The following UTP14C variants were observed in gnomAD, a reference collection of about 807,000 sequenced individuals.
UTP14C encodes the protein U3 small nucleolar RNA-associated protein 14 homolog C.
In UTP14C, 10 loss-of-function variants were observed where a neutral mutation model predicts 14.6. The observed-to-expected ratio is 0.68, with a 90% CI of 0.42 to 1.16. The LOEUF (loss-of-function observed/expected upper bound fraction) is 1.16, where lower values mean the gene tolerates loss of function less well. Ranked by LOEUF, UTP14C falls within the 50% of genes most tolerant of loss-of-function variation. The pLI, the probability that UTP14C is intolerant of heterozygous loss-of-function variation, is 0.00. For missense variants in UTP14C, 818 were observed against 890.8 expected, an observed-to-expected ratio of 0.92 and a Z score of 1.04; for synonymous variants, 315 against 331.6, an observed-to-expected ratio of 0.95 and a Z score of 0.54.
At chr13:52,025,067 T>C in intron 1 of UTP14C, 130 bp downstream of exon 1, 3 of 1,051,872 alleles carry the variant, frequency 2.9e-6, no homozygotes, top group Admixed American at 3.7e-5. Flanking sequence ...CCAAATGTGC[T>C]TTCCTCACTT....
chr13:52,033,437 T>C lies in UTP14C; in HGVS notation c.*2332T>C, dbSNP rs1158279398. The C allele has an allele frequency of 6.0e-6, 1 of 167,146 alleles. No homozygotes were observed. The highest frequency in any genetic ancestry group is 1.5e-5 in the Non-Finnish European group (1 of 68,130). The allele number at this position is 167,146 out of a possible 1,614,324, so 10.4% of individuals were successfully genotyped here. On this transcript the variant is annotated 3_prime_UTR_variant, in exon 2 of 2. Coordinates refer to ENST00000521776, the MANE Select transcript of UTP14C (RefSeq NM_021645.6). ...TATAGATACAAAGTCTGTGTCTAAATATTATTTAAAGAAGTGATTTTTCAT... is the reference window on the plus strand; with the variant it reads ...TATAGATACAAAGTCTGTGTCTAAACATTATTTAAAGAAGTGATTTTTCAT...
At chr13:52,027,741 G>A (rs143174275) in intron 1 of UTP14C, among the ~76,000 whole-genome samples, 9 of 152,286 alleles carry the variant, frequency 5.9e-5, no homozygotes, top group Middle Eastern at 3.4e-3. Context: ...ACATAAGCAC[G>A]GCGATAGTAT....
intron 1 of UTP14C, among the ~76,000 whole-genome samples, chr13:52,025,880 C>T (rs1313112600): frequency 6.6e-6 from 1 of 152,200 alleles, no homozygotes; most frequent in African/African-American, 2.4e-5. Context: ...TAGTGCTAGG[C>T]CCAGACATTA....
At chr13:52,027,382 G>C (rs979625420) in intron 1 of UTP14C, among the ~76,000 whole-genome samples, 2 of 152,144 alleles carry the variant, frequency 1.3e-5, no homozygotes, top group Non-Finnish European at 2.9e-5. Flanking sequence ...GCAGGTCTCT[G>C]AGAAAGTACA....
chr13:52,028,516 G>A lies in UTP14C; in HGVS notation c.-289G>A. ...ACTCCAAATCAGAAAAAGTGCTCGT[G>A]CATCTGTAAGCAGATTCTCTGATCA... On this transcript the variant is annotated 5_prime_UTR_variant, in exon 2 of 2. Coordinates refer to ENST00000521776, the MANE Select transcript of UTP14C (RefSeq NM_021645.6). 6.2e-7 allele frequency: 1 copy of A among 1,614,118 alleles called. No homozygotes were observed. The highest frequency in any genetic ancestry group is 2.2e-5 in the East Asian group (1 of 44,888).
Position 52,030,621 on chromosome 13 carries a change from A to T in UTP14C, c.1817A>T (p.Asp606Val), listed in dbSNP as rs559486838. 1.3e-4 allele frequency: 208 copies of T among 1,614,180 alleles called. 1 individual carries two copies. In the South Asian group the frequency reaches 2.2e-3, roughly 17 times the overall value. ...TTTGCTGGGGATGATGTCATCAGAG[A>T]TTTCTTGAAAGAGAAGAGGGAAGCT... ...EAFAGDDVIR[D>V]FLKEKREAVE... is the part of the protein sequence containing the mutation. Residue 606 changes from aspartate (D) to valine (V), a missense_variant, in exon 2 of 2, where the codon GAT becomes GTT. Coordinates refer to ENST00000521776, the MANE Select transcript of UTP14C (RefSeq NM_021645.6).
chr13:52,029,895 A>G lies in UTP14C; in HGVS notation c.1091A>G (p.Gln364Arg). The change falls in exon 2 of 2, where the codon CAG becomes CGG. Residue 364 changes from glutamine to arginine, a missense_variant. Gln to Arg is a conservative substitution (Grantham distance 43). Coordinates refer to ENST00000521776, the MANE Select transcript of UTP14C (RefSeq NM_021645.6). Reference protein sequence around the residue: ...LLVPHVANEVQMNVDGPNPWM... With the variant: ...LLVPHVANEVRMNVDGPNPWM... The stretch of plus-strand genomic sequence containing the variant: ...GTCCCTCATGTAGCGAATGAAGTGC[A>G]GATGAATGTGGACGGACCGAATCCC... 1 of 1,614,236 alleles carries G rather than the reference A, an allele frequency of 6.2e-7. No individual in the cohort carries two copies.
intron 1 of UTP14C, among the ~76,000 whole-genome samples, chr13:52,027,067 C>T (rs1488329735): frequency 6.6e-6 from 1 of 152,090 alleles, no homozygotes; most frequent in African/African-American, 2.4e-5. Context: ...GCACAGATTC[C>T]GATGCTGCCC....
Position 52,031,112 on chromosome 13 carries a change from T to C in UTP14C, c.*7T>C, listed in dbSNP as rs763145304. On this transcript the variant is annotated 3_prime_UTR_variant, in exon 2 of 2. Transcript: ENST00000521776. ...TAAAGAAGAAAAACTGTAGGTTGTG[T>C]AGCTGGAGAAGTGACAGTCAGGGGC... is the stretch of plus-strand genomic sequence containing the variant. 1.2e-5 allele frequency: 20 copies of C among 1,600,050 alleles called. No individual in the cohort carries two copies. In the South Asian group the frequency reaches 1.9e-4, roughly 15 times the overall value.
At position 52,029,241 on chromosome 13, in the gene UTP14C, T is replaced by A. The variant is rs771034014; in HGVS notation, c.437T>A (p.Ile146Asn). The change falls in exon 2 of 2, where the codon ATC becomes AAC. Residue 146 changes from isoleucine to asparagine, a missense_variant. Ile to Asn is a moderately radical substitution (Grantham distance 149, BLOSUM62 -3). Transcript: ENST00000521776. ...CAGGTCCTCTCCAAATGGGACCCTA[T>A]CATCCTGAAGAACCAGCAGGCAGAG... ...TSQVLSKWDP[I>N]ILKNQQAEQL... 18 of 1,614,030 alleles carry A rather than the reference T, an allele frequency of 1.1e-5. No homozygotes were observed. In the South Asian group the frequency reaches 1.9e-4, roughly 17 times the overall value.
chr13:52,029,388 A>G lies in UTP14C; in HGVS notation c.584A>G (p.Lys195Arg). 6.2e-7 allele frequency: 1 copy of G among 1,614,138 alleles called. No individual in the cohort carries two copies. Residue 195 changes from lysine to arginine, a missense_variant, in exon 2 of 2, where the codon AAG (lysine) becomes AGG (arginine). By Grantham distance (26) the Lys-to-Arg change is conservative. Coordinates refer to ENST00000521776, the MANE Select transcript of UTP14C (RefSeq NM_021645.6). ...ATTTTTAACCTCCTCCATAAGAACA[A>G]GCAGCCAGTGACAGATCCTTTACTG... The part of the protein sequence containing the change: ...QEIFNLLHKN[K>R]QPVTDPLLTP...
In UTP14C at chr13:52,033,470, G is replaced by T. The variant is rs1201327099; in HGVS notation, c.*2365G>T. ...AAAGAAGTGATTTTTCATTCTCTTG[G>T]ATTCTTTCCAGTGTGGTGCCTTTTA... On this transcript the variant is annotated 3_prime_UTR_variant, in exon 2 of 2. Transcript: ENST00000521776. The T allele has an allele frequency of 1.8e-5, 3 of 166,978 alleles. No individual in the cohort carries two copies. In the Admixed American group the frequency reaches 2.0e-4, roughly 11 times the overall value. The allele number at this position is 166,978 out of a possible 1,614,324, so 10.3% of individuals were successfully genotyped here.
rs549931239 is a variant in UTP14C, at chr13:52,029,818, A to G, written c.1014A>G (p.Val338=). 2.8e-5 allele frequency: 46 copies of G among 1,614,240 alleles called. 2 individuals are homozygous for G. In the African/African-American group the frequency reaches 2.9e-4, roughly 10 times the overall value. Residue 338 remains valine, a synonymous_variant, in exon 2 of 2, where the codon GTA becomes GTG. Coordinates refer to ENST00000521776, the MANE Select transcript of UTP14C (RefSeq NM_021645.6). The part of the protein sequence containing the change: ...KNKELTQKLQ[V]ASESEEEEGG... The stretch of plus-strand genomic sequence containing the variant: ...AAGAACTGACACAGAAACTCCAGGT[A>G]GCCTCTGAGAGTGAGGAAGAGGAGG...
chr13:52,026,361 A>G (rs960215190), intron 1 of UTP14C, among the ~76,000 whole-genome samples: 1 of 152,232 alleles, frequency 6.6e-6, no homozygotes, highest in African/African-American at 2.4e-5. Flanking sequence ...AGGTTAAGCC[A>G]GTGGAAAAAA....
Position 52,033,232 on chromosome 13 carries a change from A to G in UTP14C, c.*2127A>G, listed in dbSNP as rs992932071. The G allele has an allele frequency of 6.0e-6, 1 of 167,062 alleles. No homozygotes were observed. Among genetic ancestry groups the G allele is most frequent in the African/African-American group, 2.4e-5 (1 of 41,442 alleles). 10.3% of individuals were successfully genotyped at this position (167,062 alleles called of 1,614,324 possible). A position where few individuals can be genotyped will look rare whatever the true frequency, so the allele number is the denominator to read the frequency against. On this transcript the variant is annotated 3_prime_UTR_variant, in exon 2 of 2. Transcript: ENST00000521776. ...TGTCTGCAGAACTTTCAGGATGACT[A>G]TTAATTCCTCTCAGATGTCATTTTT...
rs143914311 is a variant in UTP14C at position 52,030,389 on chromosome 13, C to A, written c.1585C>A (p.Pro529Thr). ...DCFQNKELPR[P>T]VLEGQQSERT... ...TTTTCAAAATAAGGAGCTTCCCAGA[C>A]CTGTGTTAGAAGGACAGCAGTCAGA... The change falls in exon 2 of 2, where the codon CCT (proline) becomes ACT (threonine). Residue 529 changes from proline to threonine, a missense_variant. By Grantham distance (38) the Pro-to-Thr change is conservative. Coordinates refer to ENST00000521776, the MANE Select transcript of UTP14C (RefSeq NM_021645.6). 10 of 1,614,036 alleles carry A rather than the reference C, an allele frequency of 6.2e-6. No individual in the cohort carries two copies. Among genetic ancestry groups the A allele is most frequent in the African/African-American group, 1.3e-5 (1 of 74,894 alleles).
At position 52,030,857 on chromosome 13, in the gene UTP14C, C is replaced by T; in HGVS notation, c.2053C>T (p.Pro685Ser). The change falls in exon 2 of 2, where the codon CCA becomes TCA. Residue 685 changes from proline to serine, a missense_variant. By Grantham distance (74) the Pro-to-Ser change is moderately conservative. Transcript: ENST00000521776. ...AGCAGCTCATCAGGTACAAGTGCTT[C>T]CATATCCATTTACCCACCATCGGCA... Reference protein sequence around the residue: ...HAAAHQVQVLPYPFTHHRQFE... With the variant: ...HAAAHQVQVLSYPFTHHRQFE... 2.5e-6 allele frequency: 4 copies of T among 1,614,176 alleles called. No individual in the cohort carries two copies. The highest frequency in any genetic ancestry group is 3.4e-6 in the Non-Finnish European group (4 of 1,180,030).
chr13:52,033,200 T>C lies in UTP14C; in HGVS notation c.*2095T>C, dbSNP rs1954322366. 6.0e-6 allele frequency: 1 copy of C among 167,090 alleles called. No individual in the cohort carries two copies. The highest frequency in any genetic ancestry group is 1.5e-5 in the Non-Finnish European group (1 of 68,116). The allele number at this position is 167,090 out of a possible 1,614,324, so 10.4% of individuals were successfully genotyped here. On this transcript the variant is annotated 3_prime_UTR_variant, in exon 2 of 2. Transcript: ENST00000521776. ...AAAAGTGTCAAAGTGGTTTGTCCGC[T>C]AGCGTCTGTCTGCAGAACTTTCAGG...
rs1954294532 is a variant in UTP14C, at chr13:52,030,728, G to T, written c.1924G>T (p.Ala642Ser). The T allele has an allele frequency of 6.2e-7, 1 of 1,614,112 alleles. No homozygotes were observed. The highest frequency in any genetic ancestry group is 1.3e-5 in the African/African-American group (1 of 74,928). Residue 642 changes from alanine (A) to serine (S), a missense_variant, in exon 2 of 2, where the codon GCC becomes TCC. Transcript: ENST00000521776. ...GGGTGGTGTGGGCCTAAAGCCCAGT[G>T]CCAAGAAAAGACGCCAGTTTCTCAT... is the stretch of plus-strand genomic sequence containing the variant. ...EWGGVGLKPS[A>S]KKRRQFLIKA...
Sources: allele counts gnomAD v4.1 joint callset (sites outside exome capture counted in the v4.1 genomes callset), GRCh38; gene constraint gnomAD v4.1.1; transcripts MANE v1.5; gene names NCBI Gene and HGNC (gene_info 2026-07-23, HGNC 2026-07-21).